Variants in DAB1 observed in about 807,000 individuals in gnomAD.
DAB1 encodes DAB adaptor protein 1.
A neutral mutation model predicts 64.6 loss-of-function variants in DAB1; 15 were observed. The observed-to-expected ratio is 0.23, with a 90% CI of 0.16 to 0.36. The LOEUF (loss-of-function observed/expected upper bound fraction) is 0.36. Among genes scored for constraint, DAB1 ranks in the 10% least tolerant of loss-of-function variants. DAB1 has a pLI of 1.00. For missense variants in DAB1, 596 were observed against 706.7 expected, an observed-to-expected ratio of 0.84 and a Z score of 1.78; for synonymous variants, 235 against 251.9, an observed-to-expected ratio of 0.93 and a Z score of 0.64.
chr1:57,035,148 T>A (rs559148496), intron 9 of DAB1, among the ~76,000 whole-genome samples: 2 of 152,304 alleles, frequency 1.3e-5, no homozygotes, highest in East Asian at 3.9e-4. Flanking sequence ...GATCCTATCA[T>A]CTATGGTGTG....
At chr1:57,834,175 T>C (rs986363367) in intron 1 of DAB1, among the ~76,000 whole-genome samples, 1 of 152,182 alleles carries the variant, frequency 6.6e-6, no homozygotes, top group Non-Finnish European at 1.5e-5. Context: ...TGATTTCAGA[T>C]TGCAGTAAAT....
chr1:57,975,799 C>T (rs1287014226), intron 5 of DAB1, among the ~76,000 whole-genome samples: 1 of 152,180 alleles, frequency 6.6e-6, no homozygotes, highest in Non-Finnish European at 1.5e-5. Flanking sequence ...ATTCACTTTG[C>T]TGGCTTCCAC....
chr1:57,721,240 C>T (rs541734324), intron 6 of DAB1, among the ~76,000 whole-genome samples: 18 of 152,076 alleles, frequency 1.2e-4, no homozygotes, highest in South Asian at 4.1e-4. Context: ...TAATTCCTGC[C>T]GCTGGAGATC....
At chr1:57,380,047 C>T (rs549844774) in intron 1 of DAB1, among the ~76,000 whole-genome samples, 2 of 152,294 alleles carry the variant, frequency 1.3e-5, no homozygotes, top group African/African-American at 4.8e-5. Flanking sequence ...TTGTCAATAA[C>T]TTAGTAAATG....
intron 5 of DAB1, among the ~76,000 whole-genome samples, chr1:58,127,762 A>G (rs1018114757): frequency 2.0e-5 from 3 of 151,456 alleles, no homozygotes; most frequent in African/African-American, 7.3e-5. Context: ...CAAAGATCAC[A>G]TAGTTGTAGA....
intron 4 of DAB1, among the ~76,000 whole-genome samples, chr1:58,238,014 G>A (rs998600107): frequency 3.9e-5 from 6 of 152,108 alleles, no homozygotes; most frequent in South Asian, 2.1e-4. Context: ...ACAACCATGC[G>A]GTGGCAAAGT....
intron 8 of DAB1, among the ~76,000 whole-genome samples, chr1:57,067,490 T>C (rs1369944294): frequency 1.3e-5 from 2 of 152,176 alleles, no homozygotes; most frequent in Non-Finnish European, 2.9e-5. Context: ...CATGGGGTTG[T>C]TGTGAGAGAT....
At chr1:58,469,833 T>C (rs1381910814) in intron 3 of DAB1, among the ~76,000 whole-genome samples, 1 of 152,164 alleles carries the variant, frequency 6.6e-6, no homozygotes, top group Non-Finnish European at 1.5e-5. Flanking sequence ...ATGGATGGAG[T>C]TCCTTGGTGA....
At chr1:57,044,441 G>A (rs1417307143) in intron 9 of DAB1, among the ~76,000 whole-genome samples, 8 of 152,172 alleles carry the variant, frequency 5.3e-5, no homozygotes, top group African/African-American at 7.2e-5. Flanking sequence ...ACTATAAAAC[G>A]ATAACAAAAA....
chr1:57,701,659 G>A (rs1314446100), intron 6 of DAB1, among the ~76,000 whole-genome samples: 39 of 151,704 alleles, frequency 2.6e-4, no homozygotes, highest in Non-Finnish European at 4.9e-4. Flanking sequence ...AAACCTGCAT[G>A]TTGTGCATAT....
intron 5 of DAB1, among the ~76,000 whole-genome samples, chr1:57,903,930 T>A (rs1644512610): frequency 1.3e-5 from 2 of 152,244 alleles, no homozygotes; most frequent in Non-Finnish European, 2.9e-5. Context: ...GGACTTTACA[T>A]AAAATGCAAA....
At chr1:57,108,876 G>A (rs1655404967) in intron 4 of DAB1, among the ~76,000 whole-genome samples, 1 of 152,188 alleles carries the variant, frequency 6.6e-6, no homozygotes, top group African/African-American at 2.4e-5. Flanking sequence ...TCAGGACACT[G>A]GCTGCCACAT....
rs539160053 is a variant in DAB1 at position 57,618,645 on chromosome 1, T to C, written n.625+30947A>G. On this transcript the variant is annotated intron_variant and non_coding_transcript_variant, in intron 7 of 20. Coordinates refer to the DAB1 transcript ENST00000485760. Reference sequence around the variant, plus strand: ...GACCAAGTCACCAAGTGGTGATAAATGAGAGCAGGAGAGAGTCTCAGGCAG... The same window carrying C: ...GACCAAGTCACCAAGTGGTGATAAACGAGAGCAGGAGAGAGTCTCAGGCAG... 1.0e-3 allele frequency among the ~76,000 whole-genome samples: 158 copies of C among 152,296 alleles called. 3 individuals are homozygous for C. Among genetic ancestry groups the C allele is most frequent in the Admixed American group, 0.01 (158 of 15,300 alleles).
At chr1:58,243,963 TTCA>T (rs1253027075) in intron 4 of DAB1, among the ~76,000 whole-genome samples, 1 of 151,862 alleles carries the variant, frequency 6.6e-6, no homozygotes, top group African/African-American at 2.4e-5. Flanking sequence ...CAAGAAAAAT[TTCA>T]TCATTTCATG....
At chr1:57,882,615 C>T (rs1644161715) in intron 1 of DAB1, among the ~76,000 whole-genome samples, 1 of 152,136 alleles carries the variant, frequency 6.6e-6, no homozygotes, top group Admixed American at 6.5e-5. Flanking sequence ...ACAAAATTGT[C>T]TAATAACATA....
chr1:57,685,651 A>G (rs576595965), intron 6 of DAB1, among the ~76,000 whole-genome samples: 102 of 152,300 alleles, frequency 6.7e-4, no homozygotes, highest in African/African-American at 2.4e-3. Flanking sequence ...ATTGACCACA[A>G]ACTTGGTCAT....
chr1:57,803,735 G>T (rs1569734417), intron 6 of DAB1, among the ~76,000 whole-genome samples: 1 of 152,332 alleles, frequency 6.6e-6, no homozygotes, highest in South Asian at 2.1e-4. Flanking sequence ...GCTACAGGAA[G>T]AAAGTCTTTA....
chr1:57,352,690 C>T (rs1274818082), intron 1 of DAB1, among the ~76,000 whole-genome samples: 1 of 152,146 alleles, frequency 6.6e-6, no homozygotes, highest in Non-Finnish European at 1.5e-5. Flanking sequence ...TAATTTGGAA[C>T]ATTTCCTGAA....
rs144696106 is a variant in DAB1 at position 58,022,942 on chromosome 1, C to G, written n.387+127569G>C. Reference sequence around the variant, plus strand: ...TGTCTTATTTTTGAATCCCTAAGAGCACTGAACACAATGCCTCACATGGCA... The same window carrying G: ...TGTCTTATTTTTGAATCCCTAAGAGGACTGAACACAATGCCTCACATGGCA... On this transcript the variant is annotated intron_variant and non_coding_transcript_variant, in intron 5 of 20. Coordinates refer to the DAB1 transcript ENST00000485760. Among the ~76,000 whole-genome samples the G allele has an allele frequency of 3.3e-3, 498 of 152,184 alleles. 2 individuals are homozygous for G. The highest frequency in any genetic ancestry group is 0.012 in the African/African-American group (482 of 41,536).
Sources: gnomAD v4.1 joint callset for allele counts (sites outside exome capture counted in the v4.1 genomes callset) on GRCh38, gnomAD v4.1.1 for gene constraint, MANE v1.5 for transcripts, NCBI Gene and HGNC (gene_info 2026-07-23, HGNC 2026-07-21) for gene names.